The following ABCA13 variants were observed in gnomAD, a reference collection of about 807,000 sequenced individuals.
ABCA13 encodes the protein ATP-binding cassette sub-family A member 13.
Under a neutral mutation model 478.7 loss-of-function variants are expected in ABCA13, and 476 were observed. The ratio of observed to expected loss-of-function variants is 0.99; its 90% confidence interval spans 0.92 to 1.07. The LOEUF (loss-of-function observed/expected upper bound fraction) is 1.07, where lower values mean the gene tolerates loss of function less well. Ranked by LOEUF, ABCA13 falls within the 50% of genes least tolerant of loss-of-function variation. ABCA13 has a pLI of 0.00. For synonymous variants in ABCA13, 2,252 were observed against 2,158.9 expected (o/e 1.04, Z -1.20); for missense variants, 6,060 against 5,910.6 (o/e 1.03, Z -0.83).
intron 59 of ABCA13, among the ~76,000 whole-genome samples, chr7:48,617,483 G>A (rs948512893): frequency 2.6e-5 from 4 of 152,190 alleles, no homozygotes; most frequent in South Asian, 4.1e-4. Flanking sequence ...CAGGAGGCTG[G>A]TGAGGAGGGT....
chr7:48,238,935 A>G (rs1790383310), intron 8 of ABCA13, among the ~76,000 whole-genome samples: 1 of 152,248 alleles, frequency 6.6e-6, no homozygotes, highest in Non-Finnish European at 1.5e-5. Context: ...TATGAATTAA[A>G]CTGGGCTGAC....
At chr7:48,388,043 C>A (rs973999751) in intron 36 of ABCA13, 84 bp downstream of exon 36, 5 of 1,435,276 alleles carry the variant, frequency 3.5e-6, no homozygotes, top group East Asian at 4.6e-5. Context: ...TATGGTCCAG[C>A]CTTTTCAAGT....
chr7:48,581,137 AT>A (rs1788668404), intron 56 of ABCA13, among the ~76,000 whole-genome samples: 1 of 152,160 alleles, frequency 6.6e-6, no homozygotes, highest in Admixed American at 6.5e-5. Context: ...TGCTCCTCAG[AT>A]TTCTGGATTC....
At chr7:48,551,099 A>G (rs777033348) in intron 55 of ABCA13, among the ~76,000 whole-genome samples, 6 of 151,234 alleles carry the variant, frequency 4.0e-5, no homozygotes, top group African/African-American at 7.3e-5. Context: ...GTTTATCTGC[A>G]TTGTTTCAGC....
At chr7:48,608,300 G>C (rs1003007172) in intron 58 of ABCA13, among the ~76,000 whole-genome samples, 3 of 152,238 alleles carry the variant, frequency 2.0e-5, no homozygotes, top group Non-Finnish European at 4.4e-5. Context: ...TTTTGTCTTT[G>C]CAAATGTATC....
intron 27 of ABCA13, among the ~76,000 whole-genome samples, chr7:48,318,910 G>A (rs1285825387): frequency 6.6e-6 from 1 of 152,112 alleles, no homozygotes; most frequent in Non-Finnish European, 1.5e-5. Flanking sequence ...ATATTATGAT[G>A]TATTCTGCAG....
At chr7:48,622,415 A>G (rs1300417202) in intron 59 of ABCA13, among the ~76,000 whole-genome samples, 2 of 152,106 alleles carry the variant, frequency 1.3e-5, no homozygotes, top group Non-Finnish European at 2.9e-5. Flanking sequence ...TTTGGGCTCA[A>G]TAAACTCCTG....
chr7:48,617,749 G>T (rs1792730193), intron 59 of ABCA13, among the ~76,000 whole-genome samples: 2 of 152,144 alleles, frequency 1.3e-5, no homozygotes, highest in African/African-American at 4.8e-5. Flanking sequence ...ACCCTTCAGT[G>T]CAGGTCTCAG....
intron 29 of ABCA13, among the ~76,000 whole-genome samples, chr7:48,349,469 C>G (rs1016606556): frequency 2.6e-5 from 4 of 152,200 alleles, no homozygotes; most frequent in Non-Finnish European, 5.9e-5. Context: ...CAGGACATGT[C>G]AACTGATTTT....
At chr7:48,298,561 G>A in intron 23 of ABCA13, 74 bp downstream of exon 23, 1 of 1,512,732 alleles carries the variant, frequency 6.6e-7, no homozygotes, top group Non-Finnish European at 8.9e-7. Flanking sequence ...GCACTGTGTT[G>A]TCCTTTCTTC....
At chr7:48,398,775 T>C (rs1817202759) in intron 38 of ABCA13, among the ~76,000 whole-genome samples, 1 of 152,120 alleles carries the variant, frequency 6.6e-6, no homozygotes, top group South Asian at 2.1e-4. Context: ...ATGAGATCAT[T>C]GAGGGCATAA....
intron 55 of ABCA13, among the ~76,000 whole-genome samples, chr7:48,558,633 G>C (rs367955245): frequency 6.8e-6 from 1 of 147,946 alleles, no homozygotes; most frequent in African/African-American, 2.5e-5. Context: ...ATTACTTCTT[G>C]ATTCTTTTGA....
At chr7:48,193,108 A>T in intron 2 of ABCA13, 56 bp downstream of exon 2, 1 of 1,252,458 alleles carries the variant, frequency 8.0e-7, no homozygotes, top group Non-Finnish European at 1.1e-6. Flanking sequence ...AAAAAAACTC[A>T]TAGCACTCTT....
chr7:48,374,123 C>A (rs182618020), intron 33 of ABCA13, among the ~76,000 whole-genome samples: 4 of 152,148 alleles, frequency 2.6e-5, no homozygotes, highest in Admixed American at 2.6e-4. Context: ...GAAATAATTC[C>A]TTTTAACGTT....
intron 13 of ABCA13, among the ~76,000 whole-genome samples, chr7:48,247,014 C>T (rs929766212): frequency 2.0e-5 from 3 of 151,958 alleles, no homozygotes; most frequent in Admixed American, 1.3e-4. Flanking sequence ...GTGGGCAGAT[C>T]GTTTGAGCCC....
intron 58 of ABCA13, among the ~76,000 whole-genome samples, chr7:48,602,033 G>A (rs149848434): frequency 0.043 from 6,482 of 152,230 alleles, 438 homozygotes; most frequent in African/African-American, 0.15. Context: ...TTTGAGAAGT[G>A]TCTGTTCATA....
At chr7:48,312,631 G>A (rs977473314) in intron 24 of ABCA13, among the ~76,000 whole-genome samples, 8 of 152,210 alleles carry the variant, frequency 5.3e-5, no homozygotes, top group African/African-American at 1.9e-4. Context: ...AAAACGAACA[G>A]TATAATGCAC....
chr7:48,184,774 T>C (rs573096282), intron 1 of ABCA13, among the ~76,000 whole-genome samples: 30 of 152,280 alleles, frequency 2.0e-4, no homozygotes, highest in African/African-American at 7.0e-4. Context: ...GAGCTGAGAT[T>C]GCACCACTGC....
rs1440844685 is a variant in ABCA13, at chr7:48,589,377, C to G, written c.14640+2089C>G. ...AGCCAGATCATGGAGGAGAACCAACCTGACATGAAAATATAGCCCAATTCC... is the reference window on the plus strand; with the variant it reads ...AGCCAGATCATGGAGGAGAACCAACGTGACATGAAAATATAGCCCAATTCC... On this transcript the variant is annotated intron_variant, in intron 57 of 61. Coordinates refer to ENST00000435803, the MANE Select transcript of ABCA13 (RefSeq NM_152701.5). 7.9e-5 allele frequency among the ~76,000 whole-genome samples: 12 copies of G among 152,222 alleles called. No homozygotes were observed. The East Asian group carries it at 2.3e-3, about 29-fold the overall frequency.
Sources: gnomAD v4.1 joint callset for allele counts (sites outside exome capture counted in the v4.1 genomes callset) on GRCh38, gnomAD v4.1.1 for gene constraint, MANE v1.5 for transcripts, NCBI Gene and HGNC (gene_info 2026-07-23, HGNC 2026-07-21) for gene names.